SLC12A3: variants seen among roughly 807,000 people sequenced by gnomAD.
The protein encoded by SLC12A3 is Na-Cl cotransporter.
A neutral mutation model predicts 121.0 loss-of-function variants in SLC12A3; 104 were observed. The observed-to-expected ratio is 0.86, with a 90% confidence interval of 0.73 to 1.01. The LOEUF (loss-of-function observed/expected upper bound fraction) is 1.01, where lower values mean the gene tolerates loss of function less well. Ranked by LOEUF, SLC12A3 falls within the 50% of genes least tolerant of loss-of-function variation. The pLI is 0.00. For missense variants in SLC12A3, 1,328 were observed against 1,356.3 expected (o/e 0.98, Z 0.33); for synonymous variants, 536 against 533.4 (o/e 1.00, Z -0.07).
In SLC12A3 at chr16:56,867,822, TTCAGCCTCCATC is replaced by T. The variant is rs553429427; in HGVS notation, c.430-472_430-461del. The stretch of plus-strand genomic sequence containing the variant: ...ACACCAGCCCCTCCCACCTGGAAGC[TTCAGCCTCCATC>T]TCGGCCTCTGGCTTTGCTTTAAATT... On this transcript the variant is annotated intron_variant, in intron 2 of 25. Transcript: ENST00000563236. Among the ~76,000 whole-genome samples the T allele has an allele frequency of 9.2e-5, 14 of 152,326 alleles. No individual in the cohort carries two copies. The highest frequency in any genetic ancestry group is 1.6e-4 in the Non-Finnish European group (11 of 68,020).
At position 56,870,243 on chromosome 16, in the gene SLC12A3, C is replaced by CG; in HGVS notation, c.741+14dup. On this transcript the variant is annotated intron_variant, in intron 5 of 25. Coordinates refer to ENST00000563236, the MANE Select transcript of SLC12A3 (RefSeq NM_001126108.2). Reference sequence around the variant, plus strand: ...GTGCGGGACCTGCTCCAGGTGAGGCCGGGGGGCTGGACCCTGGGTAGAGGG... The same window carrying CG: ...GTGCGGGACCTGCTCCAGGTGAGGCCGGGGGGGCTGGACCCTGGGTAGAGGG... 1.9e-6 allele frequency: 3 copies of CG among 1,611,976 alleles called. No individual in the cohort carries two copies. The highest frequency in any genetic ancestry group is 8.5e-7 in the Non-Finnish European group (1 of 1,179,832).
rs113592874 is a variant in SLC12A3, at chr16:56,901,347, C to CTTTTTTTTTTTTTTT, written c.2721-1014_2721-1013insTTTTTTTTTTTTTTT. 5.8e-4 allele frequency among the ~76,000 whole-genome samples: 75 copies of CTTTTTTTTTTTTTTT among 128,862 alleles called. 2 individuals carry two copies. Among genetic ancestry groups the CTTTTTTTTTTTTTTT allele is most frequent in the African/African-American group, 1.6e-3 (48 of 30,576 alleles). 84.5% of individuals were successfully genotyped at this position (128,862 alleles called of 152,430 possible). A position where few individuals can be genotyped will look rare whatever the true frequency, so the allele number is the denominator to read the frequency against. On this transcript the variant is annotated intron_variant, in intron 23 of 25. Transcript: ENST00000563236. The stretch of plus-strand genomic sequence containing the variant: ...CAATCAGCCCTACATCTCTCTCTCT[C>CTTTTTTTTTTTTTTT]TTTTTTTTTTTTGAGACAGTCTCAC...
rs1370075654 is a variant in SLC12A3 at position 56,865,574 on chromosome 16, A to T, written c.282+57A>T. 3 of 1,568,336 alleles carry T rather than the reference A, an allele frequency of 1.9e-6. No individual in the cohort carries two copies. In the African/African-American group the frequency reaches 4.0e-5, roughly 21 times the overall value. On this transcript the variant is annotated intron_variant, in intron 1 of 25. Transcript: ENST00000563236. ...CCTGCTGTGTGACCTCGACCCAGCT[A>T]CCTAACCTCTCTGAGCCTCAGTTCT...
In SLC12A3 at chr16:56,867,053, G is replaced by T; in HGVS notation, c.283-17G>T. On this transcript the variant is annotated splice_polypyrimidine_tract_variant and intron_variant, in intron 1 of 25. Coordinates refer to ENST00000563236, the MANE Select transcript of SLC12A3 (RefSeq NM_001126108.2). ...TAGCACCCCTACCTGCCTGACTTGT[G>T]GTCTCTGGGCTGCCAGCAGGAAGGC... The T allele has an allele frequency of 6.2e-7, 1 of 1,610,242 alleles. No homozygotes were observed.
chr16:56,888,842 G>A (rs1412235703), intron 18 of SLC12A3, among the ~76,000 whole-genome samples: 1 of 152,166 alleles, frequency 6.6e-6, no homozygotes, highest in Admixed American at 6.5e-5. Flanking sequence ...ACAGGCGTCA[G>A]CCACCGTGCC....
At position 56,887,937 on chromosome 16, in the gene SLC12A3, G is replaced by A. The variant is rs752101663; in HGVS notation, c.2191G>A (p.Gly731Arg). The A allele has an allele frequency of 1.9e-5, 31 of 1,612,116 alleles. No individual in the cohort carries two copies. Among genetic ancestry groups the A allele is most frequent in the African/African-American group, 9.4e-5 (7 of 74,620 alleles). ...TATCCCCTGGCAGGCCGCAGGTCTC[G>A]GGAGAATGAAGCCCAACATTCTGGT... The part of the protein sequence containing the change: ...VQILMQAAGL[G>R]RMKPNILVVG... The change falls in exon 18 of 26, where the codon GGG becomes AGG. Residue 731 changes from glycine to arginine, a missense_variant. Physicochemically the swap from Gly to Arg is moderately radical, Grantham distance 125. Coordinates refer to ENST00000563236, the MANE Select transcript of SLC12A3 (RefSeq NM_001126108.2).
chr16:56,885,938 G>A (rs985310061), intron 15 of SLC12A3, among the ~76,000 whole-genome samples: 14 of 152,182 alleles, frequency 9.2e-5, no homozygotes, highest in African/African-American at 2.7e-4. Flanking sequence ...GCAAGTGGCC[G>A]ATTAAGTCTG....
intron 25 of SLC12A3, among the ~76,000 whole-genome samples, chr16:56,912,593 C>T (rs1354415259): frequency 6.6e-6 from 1 of 152,174 alleles, no homozygotes; most frequent in Admixed American, 6.5e-5. Flanking sequence ...GGAAGGGTCG[C>T]CCACTTAACA....
intron 22 of SLC12A3, among the ~76,000 whole-genome samples, chr16:56,896,278 T>C (rs2144752070): frequency 6.6e-6 from 1 of 152,338 alleles, no homozygotes; most frequent in Middle Eastern, 3.4e-3. Context: ...GGTTTAGCCT[T>C]GGCCCGTCCT....
At chr16:56,894,918 A>G (rs2055441759) in intron 22 of SLC12A3, among the ~76,000 whole-genome samples, 1 of 152,144 alleles carries the variant, frequency 6.6e-6, no homozygotes, top group Non-Finnish European at 1.5e-5. Context: ...TAGGTTGTAA[A>G]GTCACAAATC....
chr16:56,888,092 A>C, intron 18 of SLC12A3, 61 bp downstream of exon 18: 1 of 1,280,272 alleles, frequency 7.8e-7, no homozygotes, highest in South Asian at 1.2e-5. Context: ...GGGCCTTGAG[A>C]AGTGGAAAAG....
At chr16:56,884,446 G>A (rs1385825138) in intron 14 of SLC12A3, among the ~76,000 whole-genome samples, 8 of 152,234 alleles carry the variant, frequency 5.3e-5, no homozygotes, top group African/African-American at 1.2e-4. Context: ...TCCCCTGTCC[G>A]AAGGACCCTG....
Position 56,913,661 on chromosome 16 carries a change from T to C in SLC12A3, c.*256T>C. 3.7e-6 allele frequency: 2 copies of C among 534,178 alleles called. No homozygotes were observed. The highest frequency in any genetic ancestry group is 6.7e-6 in the Non-Finnish European group (2 of 296,608). 33.1% of individuals were successfully genotyped at this position (534,178 alleles called of 1,614,324 possible). A position where few individuals can be genotyped will look rare whatever the true frequency, so the allele number is the denominator to read the frequency against. ...GCAAGGAAAACTCTCTAAAGCATCCTATTCCTTTTAAAGGATTTCTTTTGA... is the reference window on the plus strand; with the variant it reads ...GCAAGGAAAACTCTCTAAAGCATCCCATTCCTTTTAAAGGATTTCTTTTGA... On this transcript the variant is annotated 3_prime_UTR_variant, in exon 26 of 26. Coordinates refer to ENST00000563236, the MANE Select transcript of SLC12A3 (RefSeq NM_001126108.2).
chr16:56,907,515 A>G (rs1258512286), intron 25 of SLC12A3, among the ~76,000 whole-genome samples: 1 of 152,232 alleles, frequency 6.6e-6, no homozygotes, highest in Admixed American at 6.5e-5. Flanking sequence ...ATCATGTCTT[A>G]GAACATTCAG....
rs61730207 is a variant in SLC12A3, at chr16:56,888,019, T to C, written c.2273T>C (p.Ile758Thr). The C allele has an allele frequency of 2.3e-4, 369 of 1,609,398 alleles. No individual in the cohort carries two copies. Among genetic ancestry groups the C allele is most frequent in the Non-Finnish European group, 3.0e-4 (353 of 1,176,796 alleles). ...CACCCGGCCACAGTGGAAGACTACATTGGCATCCTCCAGTGAGTCGGGGGA... is the reference window on the plus strand; with the variant it reads ...CACCCGGCCACAGTGGAAGACTACACTGGCATCCTCCAGTGAGTCGGGGGA... ...SAHPATVEDY[I>T]GILHDAFDFN... Residue 758 changes from isoleucine (I) to threonine (T), a missense_variant, in exon 18 of 26, where the codon ATT becomes ACT. By Grantham distance (89) the Ile-to-Thr change is moderately conservative. Transcript: ENST00000563236.
chr16:56,887,798 A>ATATATATTTTT (rs1433682477), intron 17 of SLC12A3, 127 bp from the exon 18 acceptor site: 1 of 68,456 alleles, frequency 1.5e-5, no homozygotes. Context: ...ATATATATAT[A>ATATATATTTTT]TTTTTTTTTT....
chr16:56,872,649 T>C lies in SLC12A3; in HGVS notation c.965-7T>C. The C allele has an allele frequency of 6.2e-7, 1 of 1,614,244 alleles. No homozygotes were observed. Among genetic ancestry groups the C allele is most frequent in the Non-Finnish European group, 8.5e-7 (1 of 1,180,038 alleles). ...TGAGCCTTACTCATCAGGCCTTGCT[T>C]TTCCAGCGGACATTTTTGTCCAGAA... On this transcript the variant is annotated splice_region_variant and splice_polypyrimidine_tract_variant and intron_variant, in intron 7 of 25. Transcript: ENST00000563236.
chr16:56,883,039 A>G (rs908720095), intron 13 of SLC12A3, among the ~76,000 whole-genome samples: 1 of 152,086 alleles, frequency 6.6e-6, no homozygotes, highest in African/African-American at 2.4e-5. Context: ...ATTGCTTACC[A>G]TCTGTAGGGG....
chr16:56,911,754 G>A (rs2076000875), intron 25 of SLC12A3, among the ~76,000 whole-genome samples: 1 of 152,218 alleles, frequency 6.6e-6, no homozygotes, highest in Non-Finnish European at 1.5e-5. Flanking sequence ...TGTGAGCAGA[G>A]GCTGCTGCGG....
Sources: gnomAD v4.1 joint callset for allele counts (sites outside exome capture counted in the v4.1 genomes callset) on GRCh38, gnomAD v4.1.1 for gene constraint, MANE v1.5 for transcripts, NCBI Gene and HGNC (gene_info 2026-07-23, HGNC 2026-07-21) for gene names.